The following HJURP variants were observed in gnomAD, a reference collection of about 807,000 sequenced individuals.
HJURP encodes the protein Holliday junction recognition protein.
In HJURP, 49 loss-of-function variants were observed where a neutral mutation model predicts 72.0. The ratio of observed to expected loss-of-function variants is 0.68; its 90% CI spans 0.54 to 0.86. The LOEUF (loss-of-function observed/expected upper bound fraction) is 0.86. Ranked by LOEUF, HJURP falls within the 40% of genes least tolerant of loss-of-function variation. The pLI, the probability that HJURP is intolerant of heterozygous loss-of-function variation, is 0.00. For synonymous variants in HJURP, 357 were observed against 347.1 expected, an observed-to-expected ratio of 1.03 and a Z score of -0.32; for missense variants, 908 against 936.3, an observed-to-expected ratio of 0.97 and a Z score of 0.39.
chr2:233,854,009 G>A (rs1705556188), intron 1 of HJURP, 99 bp from the exon 2 acceptor site: 1 of 1,048,436 alleles, frequency 9.5e-7, no homozygotes, highest in Non-Finnish European at 1.4e-6. Context: ...CGTTAGTCTG[G>A]CCTGGGGCGC....
rs765573975 is a variant in HJURP, at chr2:233,845,681, G to T, written c.495+47C>A. On this transcript the variant is annotated intron_variant, in intron 6 of 8. Coordinates refer to ENST00000411486, the MANE Select transcript of HJURP (RefSeq NM_018410.5). ...ATAACACTGTACCTCAATGTATTTAGTTTATGATCTAATTATATAAAAACA... is the reference window on the plus strand; with the variant it reads ...ATAACACTGTACCTCAATGTATTTATTTTATGATCTAATTATATAAAAACA... 8 of 1,220,572 alleles carry T rather than the reference G, an allele frequency of 6.6e-6. No homozygotes were observed. In the South Asian group the frequency reaches 1.0e-4, roughly 15 times the overall value. The allele number at this position is 1,220,572 out of a possible 1,614,324, so 75.6% of individuals were successfully genotyped here.
intron 2 of HJURP, 134 bp downstream of exon 2, chr2:233,853,710 T>A (rs573548129): frequency 1.5e-6 from 1 of 675,514 alleles, no homozygotes; most frequent in East Asian, 2.7e-5. Flanking sequence ...AATTTACAGG[T>A]TTAAGGGCAC....
chr2:233,843,653 C>T (rs531583813), intron 7 of HJURP, among the ~76,000 whole-genome samples: 108 of 152,242 alleles, frequency 7.1e-4, no homozygotes, highest in African/African-American at 2.5e-3. Context: ...AACGGTGGTA[C>T]CAGCCTGAGT....
intron 3 of HJURP, among the ~76,000 whole-genome samples, chr2:233,851,296 G>A (rs937476553): frequency 6.6e-6 from 1 of 152,144 alleles, no homozygotes; most frequent in Non-Finnish European, 1.5e-5. Flanking sequence ...AAGAGACAAG[G>A]ACCGGGATTT....
intron 4 of HJURP, among the ~76,000 whole-genome samples, chr2:233,849,100 C>T (rs1000816813): frequency 6.6e-6 from 1 of 152,116 alleles, no homozygotes; most frequent in Non-Finnish European, 1.5e-5. Flanking sequence ...CGAAAGGAGT[C>T]GGGAGAGGAG....
rs1272751641 is a variant in HJURP, at chr2:233,846,140, C to T, written c.403-320G>A. On this transcript the variant is annotated intron_variant, in intron 5 of 8. Coordinates refer to ENST00000411486, the MANE Select transcript of HJURP (RefSeq NM_018410.5). This position sits in a 1 kb window ranked among gnomAD's most constrained non-coding sequence, Gnocchi z 4.3. ...CTCAACTACTGGTAATAACTTCAAA[C>T]TGGTAAGTTTATAAGAAATTCAGTG... 1 of 217,214 alleles carries T rather than the reference C, an allele frequency of 4.6e-6. No homozygotes were observed. Among genetic ancestry groups the T allele is most frequent in the Non-Finnish European group, 9.2e-6 (1 of 109,132 alleles). 13.5% of individuals were successfully genotyped at this position (217,214 alleles called of 1,614,324 possible).
At chr2:233,849,995 C>T in intron 3 of HJURP, 136 bp from the exon 4 acceptor site, 1 of 627,072 alleles carries the variant, frequency 1.6e-6, no homozygotes, top group Admixed American at 2.5e-5. Flanking sequence ...TTCTCTTCTC[C>T]CTGCATGTCC....
intron 7 of HJURP, among the ~76,000 whole-genome samples, chr2:233,843,530 G>A (rs1261055311): frequency 6.6e-6 from 1 of 152,072 alleles, no homozygotes; most frequent in Non-Finnish European, 1.5e-5. Context: ...CCAAATTCAG[G>A]GACATTCTGC....
At chr2:233,849,742 T>C (rs2124974976) in intron 4 of HJURP, 21 bp downstream of exon 4, 1 of 1,515,270 alleles carries the variant, frequency 6.6e-7, no homozygotes, top group East Asian at 2.4e-5. Flanking sequence ...ACTTCAGTTC[T>C]CTGACGAAGG....
intron 6 of HJURP, among the ~76,000 whole-genome samples, chr2:233,844,487 C>G (rs1387405465): frequency 6.6e-6 from 1 of 152,168 alleles, no homozygotes; most frequent in East Asian, 1.9e-4. Context: ...TTGATGTGGT[C>G]TCCAGGATAG....
chr2:233,847,754 C>A (rs970306163), intron 4 of HJURP, among the ~76,000 whole-genome samples: 3 of 152,308 alleles, frequency 2.0e-5, no homozygotes, highest in African/African-American at 7.2e-5. Context: ...CAGCACTGCT[C>A]GACAGAACTT....
chr2:233,837,622 C>G lies in HJURP; in HGVS notation c.2202G>C (p.Glu734Asp). ...RGENTSYRME[E>D]KSDFMLEKLE... ...ATTTTTCTAGCATGAAATCACTTTT[C>G]TCTTCCATCCTGTAAGACGTGTTCT... The change falls in exon 9 of 9, where the codon GAG becomes GAC. Residue 734 changes from glutamate to aspartate, a missense_variant. Coordinates refer to ENST00000411486, the MANE Select transcript of HJURP (RefSeq NM_018410.5). 1 of 1,611,442 alleles carries G rather than the reference C, an allele frequency of 6.2e-7. No individual in the cohort carries two copies. The highest frequency in any genetic ancestry group is 1.3e-5 in the African/African-American group (1 of 74,964).
intron 8 of HJURP, 31 bp downstream of exon 8, chr2:233,840,578 A>G (rs752674640): frequency 1.4e-5 from 22 of 1,541,318 alleles, no homozygotes; most frequent in Non-Finnish European, 1.8e-5. Context: ...CACTCACATA[A>G]ACCACATTCA....
intron 6 of HJURP, among the ~76,000 whole-genome samples, chr2:233,844,520 A>T (rs936008597): frequency 6.6e-6 from 1 of 152,156 alleles, no homozygotes; most frequent in Non-Finnish European, 1.5e-5. Flanking sequence ...GTCACCACTC[A>T]CCTGCCAGTA....
At position 233,849,572 on chromosome 2, in the gene HJURP, G is replaced by A. The variant is rs771370419; in HGVS notation, c.337+191C>T. ...GAGTACCATTCATATGTCAGGCACC[G>A]GATGTAACTGTGGGCAAGGCAGAGC... On this transcript the variant is annotated intron_variant, in intron 4 of 8. Coordinates refer to ENST00000411486, the MANE Select transcript of HJURP (RefSeq NM_018410.5). Among the ~76,000 whole-genome samples, 5 of 152,178 alleles carry A rather than the reference G, an allele frequency of 3.3e-5. 1 individual carries two copies. In the East Asian group the frequency reaches 9.6e-4, roughly 29 times the overall value.
Position 233,841,878 on chromosome 2 carries a change from T to C in HJURP, c.902A>G (p.Tyr301Cys). Residue 301 changes from tyrosine to cysteine, a missense_variant, in exon 8 of 9, where the codon TAT (tyrosine) becomes TGT (cysteine). Physicochemically the swap from Tyr to Cys is radical, Grantham distance 194. Transcript: ENST00000411486. The stretch of plus-strand genomic sequence containing the variant: ...ATATGTTTTGTTCATCCTGCTCTTA[T>C]ATCTGTGCCTCCTCCTGGAGTTCCA... ...QNWNSRRRHR[Y>C]KSRMNKTYCK... is the part of the protein sequence containing the mutation. 1.2e-6 allele frequency: 2 copies of C among 1,614,230 alleles called. No homozygotes were observed. The highest frequency in any genetic ancestry group is 1.7e-6 in the Non-Finnish European group (2 of 1,180,028).
rs1308012421 is a variant in HJURP at position 233,854,489 on chromosome 2, C to T, written c.12G>A (p.Thr4=). 6 of 1,611,634 alleles carry T rather than the reference C, an allele frequency of 3.7e-6. No homozygotes were observed. In the South Asian group the frequency reaches 5.5e-5, roughly 15 times the overall value. MLG[T]LRAMEGEDVE... is the part of the protein sequence containing the mutation. Reference sequence around the variant, plus strand: ...CGTCCTCGCCCTCCATGGCGCGCAGCGTACCCAGCATCGGACCCAGCCAGT... The same window carrying T: ...CGTCCTCGCCCTCCATGGCGCGCAGTGTACCCAGCATCGGACCCAGCCAGT... The change falls in exon 1 of 9, where the codon ACG becomes ACA. Residue 4 remains threonine (T), a synonymous_variant. Transcript: ENST00000411486.
chr2:233,837,091 G>C lies in HJURP; in HGVS notation c.*486C>G, dbSNP rs1452636193. The C allele has an allele frequency of 6.2e-6, 1 of 161,324 alleles. No individual in the cohort carries two copies. The highest frequency in any genetic ancestry group is 1.3e-5 in the Non-Finnish European group (1 of 74,694). The allele number at this position is 161,324 out of a possible 1,614,324, so 10.0% of individuals were successfully genotyped here. On this transcript the variant is annotated 3_prime_UTR_variant, in exon 9 of 9. Transcript: ENST00000411486. ...TCACGAGGCCAGGAGCTCGAGACCA[G>C]CCTGGTCAATATGGTGAAACCCCGT... is the stretch of plus-strand genomic sequence containing the variant.
intron 8 of HJURP, 50 bp from the exon 9 acceptor site, chr2:233,837,702 T>C (rs755652749): frequency 6.7e-6 from 8 of 1,193,250 alleles, no homozygotes. Flanking sequence ...ATTCTAGAAT[T>C]CCCAATGCCA....
Sources: gnomAD v4.1 joint callset for allele counts (sites outside exome capture counted in the v4.1 genomes callset) on GRCh38, gnomAD v4.1.1 for gene constraint, Gnocchi (gnomAD v3.1) non-coding constraint, MANE v1.5 for transcripts, NCBI Gene and HGNC (gene_info 2026-07-23, HGNC 2026-07-21) for gene names.